The following KITLG variants were observed in gnomAD, a reference collection of about 807,000 sequenced individuals.
KITLG encodes the protein c-Kit ligand.
KITLG carries 13 observed loss-of-function variants against 34.1 expected under a neutral mutation model. That is an observed-to-expected ratio of 0.38 (90% confidence interval 0.25 to 0.61). The LOEUF is 0.61. Ranked by LOEUF, KITLG falls within the 20% of genes least tolerant of loss-of-function variation. The pLI is 0.60. For missense variants in KITLG, 292 were observed against 318.9 expected (o/e 0.92, Z 0.64); for synonymous variants, 110 against 104.0 (o/e 1.06, Z -0.35).
At chr12:88,552,125 T>G (rs1870936827) in intron 1 of KITLG, among the ~76,000 whole-genome samples, 1 of 152,036 alleles carries the variant, frequency 6.6e-6, no homozygotes, top group Non-Finnish European at 1.5e-5. Flanking sequence ...CAACTGATAC[T>G]TTGATGTAAG....
At chr12:88,546,415 T>C (rs527286278) in intron 1 of KITLG, among the ~76,000 whole-genome samples, 15 of 152,332 alleles carry the variant, frequency 9.8e-5, no homozygotes, top group Admixed American at 8.5e-4. Flanking sequence ...CACAGCTTTT[T>C]AGCCACTTAA....
intron 6 of KITLG, among the ~76,000 whole-genome samples, chr12:88,514,279 A>C (rs1246927514): frequency 6.6e-6 from 1 of 151,748 alleles, no homozygotes; most frequent in Non-Finnish European, 1.5e-5. Flanking sequence ...GAAAAAGTGG[A>C]GTAAATGAAA....
chr12:88,546,401 G>C (rs1173775685), intron 1 of KITLG, among the ~76,000 whole-genome samples: 1 of 152,106 alleles, frequency 6.6e-6, no homozygotes, highest in African/African-American at 2.4e-5. Flanking sequence ...AGAATATTTT[G>C]AAACACAGCT....
intron 3 of KITLG, among the ~76,000 whole-genome samples, chr12:88,519,808 T>C (rs1182026024): frequency 1.3e-5 from 2 of 152,084 alleles, no homozygotes; most frequent in Non-Finnish European, 2.9e-5. Flanking sequence ...TTTTTTTATA[T>C]AAATGGGATC....
chr12:88,516,261 G>T (rs558901284), intron 5 of KITLG, 73 bp downstream of exon 5: 2 of 1,274,808 alleles, frequency 1.6e-6, no homozygotes, highest in East Asian at 4.7e-5. Context: ...TAACACAGAG[G>T]TAGATTCTTA....
chr12:88,572,405 A>G (rs1871680198), intron 1 of KITLG, among the ~76,000 whole-genome samples: 2 of 151,652 alleles, frequency 1.3e-5, no homozygotes, highest in Non-Finnish European at 2.9e-5. Context: ...ATGCCTAAAT[A>G]CATTTTTTTC....
At chr12:88,579,711 C>CGGGCAGGT (rs1410086950) in intron 1 of KITLG, among the ~76,000 whole-genome samples, 4 of 152,012 alleles carry the variant, frequency 2.6e-5, no homozygotes, top group Non-Finnish European at 5.9e-5. Flanking sequence ...CCCGGGCAGG[C>CGGGCAGGT]GGGCAGGTTC....
intron 1 of KITLG, among the ~76,000 whole-genome samples, chr12:88,559,508 C>T (rs1294988907): frequency 5.3e-5 from 8 of 152,172 alleles, no homozygotes. Context: ...AAAAATTCCA[C>T]AGGCCATCAA....
intron 2 of KITLG, among the ~76,000 whole-genome samples, chr12:88,538,489 TGAA>T (rs1406090021): frequency 2.6e-5 from 4 of 151,158 alleles, no homozygotes; most frequent in Non-Finnish European, 4.4e-5. Context: ...GATGCAACAC[TGAA>T]TGTGTTTCAG....
chr12:88,498,174 G>C (rs575480781), intron 9 of KITLG, among the ~76,000 whole-genome samples: 1 of 151,786 alleles, frequency 6.6e-6, no homozygotes, highest in African/African-American at 2.4e-5. Flanking sequence ...TGCATTTCTC[G>C]TCTTCTCTGC....
At position 88,556,874 on chromosome 12, in the gene KITLG, C is replaced by A. The variant is rs139784602; in HGVS notation, c.16-11009G>T. On this transcript the variant is annotated intron_variant, in intron 1 of 9. Transcript: ENST00000644744. ...CAAAGGGAGAGGGCAATGAATAAAA[C>A]AAGCACTAAAAGATGTCAATATGAT... 3.7e-3 allele frequency among the ~76,000 whole-genome samples: 557 copies of A among 152,236 alleles called. 3 individuals carry two copies. Among genetic ancestry groups the A allele is most frequent in the Middle Eastern group, 0.017 (5 of 294 alleles).
Position 88,580,362 on chromosome 12 carries a change from A to C in KITLG, c.-84T>G. ...TTCTGGAGCTCCAGCATATTGCACG[A>C]ACAGCGGCGGCAGATAGTCCACGCA... On this transcript the variant is annotated 5_prime_UTR_variant, in exon 1 of 10. Coordinates refer to ENST00000644744, the MANE Select transcript of KITLG (RefSeq NM_000899.5). 3 of 1,517,994 alleles carry C rather than the reference A, an allele frequency of 2.0e-6. No homozygotes were observed. In the East Asian group the frequency reaches 7.0e-5, roughly 35 times the overall value. The allele number at this position is 1,517,994 out of a possible 1,614,324, so 94.0% of individuals were successfully genotyped here.
chr12:88,507,501 C>T (rs2120810576), intron 6 of KITLG, among the ~76,000 whole-genome samples: 1 of 152,310 alleles, frequency 6.6e-6, no homozygotes, highest in South Asian at 2.1e-4. Context: ...CTTTCTCACT[C>T]TTGACAGCTT....
At chr12:88,540,906 T>C (rs1870496579) in intron 2 of KITLG, among the ~76,000 whole-genome samples, 1 of 152,076 alleles carries the variant, frequency 6.6e-6, no homozygotes, top group Admixed American at 6.6e-5. Flanking sequence ...AAAATAAAAT[T>C]TGAAAACTAT....
chr12:88,543,441 T>C (rs553593968), intron 2 of KITLG, among the ~76,000 whole-genome samples: 22 of 152,324 alleles, frequency 1.4e-4, no homozygotes, highest in Non-Finnish European at 2.1e-4. Flanking sequence ...GGACATGAAC[T>C]CATCTTTTTT....
chr12:88,518,939 C>A, intron 3 of KITLG, 72 bp from the exon 4 acceptor site: 1 of 1,348,844 alleles, frequency 7.4e-7, no homozygotes, highest in Non-Finnish European at 1.0e-6. Flanking sequence ...GAGTACTCTT[C>A]AAAGCTATCG....
intron 9 of KITLG, among the ~76,000 whole-genome samples, chr12:88,499,915 C>T (rs989492149): frequency 2.0e-5 from 3 of 152,184 alleles, no homozygotes; most frequent in Non-Finnish European, 2.9e-5. Context: ...TAACCACTCC[C>T]GTACATCTTG....
intron 8 of KITLG, 64 bp downstream of exon 8, chr12:88,506,247 G>T: frequency 9.2e-7 from 1 of 1,090,634 alleles, no homozygotes; most frequent in Non-Finnish European, 1.4e-6. Flanking sequence ...TTATGGGCAG[G>T]TACACAGTGT....
intron 6 of KITLG, among the ~76,000 whole-genome samples, chr12:88,511,907 G>A (rs1274175682): frequency 6.6e-6 from 1 of 152,046 alleles, no homozygotes; most frequent in Admixed American, 6.6e-5. Context: ...GCTACTATTC[G>A]AACCTCCTAC....
Sources: gnomAD v4.1 joint callset for allele counts (sites outside exome capture counted in the v4.1 genomes callset) on GRCh38, gnomAD v4.1.1 for gene constraint, MANE v1.5 for transcripts, NCBI Gene and HGNC (gene_info 2026-07-23, HGNC 2026-07-21) for gene names.